Variants in DOK5 observed in about 807,000 individuals in gnomAD.
DOK5 encodes docking protein 5.
A neutral mutation model predicts 43.3 loss-of-function variants in DOK5; 27 were observed. The observed-to-expected ratio is 0.62, with a 90% CI of 0.46 to 0.86. The LOEUF (loss-of-function observed/expected upper bound fraction) is 0.86. DOK5 is among the 40% of genes least tolerant of loss of function. DOK5 has a pLI of 0.00. For missense variants in DOK5, 373 were observed against 392.9 expected (o/e 0.95, Z 0.43); for synonymous variants, 146 against 140.1 (o/e 1.04, Z -0.30).
At chr20:54,575,457 T>G (rs529660473) in intron 2 of DOK5, among the ~76,000 whole-genome samples, 1 of 152,218 alleles carries the variant, frequency 6.6e-6, no homozygotes, top group Non-Finnish European at 1.5e-5. Context: ...TATTTCATTT[T>G]TGAGACAGAG....
intron 6 of DOK5, among the ~76,000 whole-genome samples, chr20:54,615,396 G>A (rs373126342): frequency 3.3e-5 from 5 of 152,136 alleles, no homozygotes; most frequent in Admixed American, 2.6e-4. Flanking sequence ...CTGAGATGGC[G>A]ACAGTATCCT....
chr20:54,553,582 A>G (rs6091920), intron 1 of DOK5, among the ~76,000 whole-genome samples: 3,058 of 151,208 alleles, frequency 0.02, 103 homozygotes, highest in African/African-American at 0.07. Flanking sequence ...GACATTTGCC[A>G]TCAGTAACTA....
intron 1 of DOK5, among the ~76,000 whole-genome samples, chr20:54,523,049 G>C (rs905861919): frequency 1.6e-4 from 24 of 152,218 alleles, no homozygotes; most frequent in African/African-American, 5.5e-4. Flanking sequence ...CATAATAGGT[G>C]CTCAAAAATA....
At chr20:54,487,839 C>T (rs961583841) in intron 1 of DOK5, among the ~76,000 whole-genome samples, 1 of 152,014 alleles carries the variant, frequency 6.6e-6, no homozygotes, top group Non-Finnish European at 1.5e-5. Context: ...TCCCTTCATT[C>T]GGATGTACAA....
chr20:54,534,136 G>A (rs1375836793), intron 1 of DOK5, among the ~76,000 whole-genome samples: 1 of 152,192 alleles, frequency 6.6e-6, no homozygotes, highest in African/African-American at 2.4e-5. Context: ...GGGAATTTGA[G>A]CTCAGGGTGC....
At chr20:54,580,790 G>A (rs1985614621) in intron 2 of DOK5, among the ~76,000 whole-genome samples, 1 of 152,142 alleles carries the variant, frequency 6.6e-6, no homozygotes. Context: ...CCTTTATCAA[G>A]GATATGGTTT....
intron 1 of DOK5, among the ~76,000 whole-genome samples, chr20:54,478,951 C>T (rs1256927871): frequency 6.6e-6 from 1 of 151,986 alleles, no homozygotes; most frequent in Non-Finnish European, 1.5e-5. Context: ...CAGATTTTTT[C>T]AATGGATGAA....
chr20:54,603,737 T>C (rs1986371264), intron 5 of DOK5, among the ~76,000 whole-genome samples: 1 of 152,140 alleles, frequency 6.6e-6, no homozygotes, highest in African/African-American at 2.4e-5. Flanking sequence ...TTAGTAGAGC[T>C]GAGATCAAGT....
At chr20:54,566,858 C>T (rs1434821441) in intron 2 of DOK5, among the ~76,000 whole-genome samples, 3 of 152,266 alleles carry the variant, frequency 2.0e-5, no homozygotes, top group African/African-American at 7.2e-5. Context: ...CTCAAGGGAT[C>T]CTCCCTCCTC....
intron 7 of DOK5, among the ~76,000 whole-genome samples, chr20:54,647,716 C>T (rs1445649064): frequency 6.6e-6 from 1 of 152,094 alleles, no homozygotes; most frequent in Non-Finnish European, 1.5e-5. Context: ...TGTGGTCAAA[C>T]GCGTCTGGGG....
chr20:54,513,816 A>C (rs73911920), intron 1 of DOK5, among the ~76,000 whole-genome samples: 4,961 of 152,338 alleles, frequency 0.033, 252 homozygotes, highest in African/African-American at 0.11. Flanking sequence ...AAATGAATAA[A>C]TACGAGAACA....
At chr20:54,548,104 C>G (rs1160498060) in intron 1 of DOK5, among the ~76,000 whole-genome samples, 1 of 152,158 alleles carries the variant, frequency 6.6e-6, no homozygotes, top group African/African-American at 2.4e-5. Flanking sequence ...AAAGAATTTT[C>G]TGGCCCAAAA....
intron 1 of DOK5, among the ~76,000 whole-genome samples, chr20:54,535,632 C>T (rs973569549): frequency 4.6e-5 from 7 of 151,520 alleles, no homozygotes; most frequent in Non-Finnish European, 1.5e-5. Context: ...ATTTATTCAT[C>T]TTGAGGTTCT....
chr20:54,536,709 G>T (rs1983973650), intron 1 of DOK5, among the ~76,000 whole-genome samples: 3 of 152,208 alleles, frequency 2.0e-5, no homozygotes, highest in African/African-American at 4.8e-5. Flanking sequence ...GATAAGAGCT[G>T]CTCTATACCA....
At chr20:54,559,001 C>T (rs924171216) in intron 2 of DOK5, among the ~76,000 whole-genome samples, 4 of 152,152 alleles carry the variant, frequency 2.6e-5, no homozygotes, top group East Asian at 1.9e-4. Context: ...ACTTCCTCCA[C>T]GAAGCACCCC....
chr20:54,556,466 A>G (rs16999771), intron 2 of DOK5, among the ~76,000 whole-genome samples: 3,207 of 152,322 alleles, frequency 0.021, 107 homozygotes, highest in African/African-American at 0.074. Context: ...ATCTTGAGCC[A>G]AACTCTCCAC....
At chr20:54,607,505 T>G (rs929509017) in intron 5 of DOK5, among the ~76,000 whole-genome samples, 6 of 151,928 alleles carry the variant, frequency 3.9e-5, no homozygotes, top group Non-Finnish European at 7.4e-5. Context: ...TCCTATAGTT[T>G]TGGTTTCATT....
intron 1 of DOK5, among the ~76,000 whole-genome samples, chr20:54,552,229 T>G (rs1206232241): frequency 1.3e-5 from 2 of 152,210 alleles, no homozygotes; most frequent in Non-Finnish European, 2.9e-5. Flanking sequence ...TTTTTTTGTC[T>G]TTTTCCAATG....
intron 1 of DOK5, among the ~76,000 whole-genome samples, chr20:54,491,513 C>T (rs957718693): frequency 6.6e-6 from 1 of 152,130 alleles, no homozygotes; most frequent in African/African-American, 2.4e-5. Context: ...GAAACCTGGC[C>T]AGGGTGAGAA....
Sources: allele counts gnomAD v4.1 joint callset (sites outside exome capture counted in the v4.1 genomes callset), GRCh38; gene constraint gnomAD v4.1.1; transcripts MANE v1.5; gene names NCBI Gene and HGNC (gene_info 2026-07-23, HGNC 2026-07-21).